Variants in ZNF385D observed in about 807,000 individuals in gnomAD.
ZNF385D encodes the protein zinc finger protein 385D, also known as zinc finger protein 659.
In ZNF385D, 15 loss-of-function variants were observed where a neutral mutation model predicts 35.8. The observed-to-expected ratio is 0.42, with a 90% confidence interval of 0.28 to 0.64. ZNF385D has a LOEUF of 0.64. Among genes scored for constraint, ZNF385D ranks in the 30% least tolerant of loss-of-function variants. The pLI is 0.23. For synonymous variants in ZNF385D, 212 were observed against 186.8 expected (o/e 1.13, Z -1.10); for missense variants, 474 against 494.6 (o/e 0.96, Z 0.39).
rs367790417 is a variant in ZNF385D at position 22,132,185 on chromosome 3, G to T, written c.325+36632C>A. ...CTGTGGTGATGGTATTTGGAGGCAG[G>T]ATCTTGGGTCACAAGGGTAGAACCC... On this transcript the variant is annotated intron_variant, in intron 3 of 5. Transcript: ENST00000494108. Among the ~76,000 whole-genome samples, 21 of 152,218 alleles carry T rather than the reference G, an allele frequency of 1.4e-4. 2 individuals carry two copies. Among genetic ancestry groups the T allele is most frequent in the Admixed American group, 1.2e-3 (18 of 15,258 alleles).
At chr3:21,531,542 T>C (rs1276723625) in intron 3 of ZNF385D, among the ~76,000 whole-genome samples, 1 of 152,144 alleles carries the variant, frequency 6.6e-6, no homozygotes, top group Non-Finnish European at 1.5e-5. Context: ...AGAAACAAAC[T>C]GTTACATCCA....
intron 2 of ZNF385D, among the ~76,000 whole-genome samples, chr3:21,624,959 A>G (rs1230402929): frequency 1.3e-5 from 2 of 152,058 alleles, no homozygotes; most frequent in African/African-American, 4.8e-5. Flanking sequence ...AGGGATAAAG[A>G]TTCCATAAAA....
chr3:22,138,234 A>G (rs1704273989), intron 3 of ZNF385D, among the ~76,000 whole-genome samples: 1 of 152,220 alleles, frequency 6.6e-6, no homozygotes, highest in African/African-American at 2.4e-5. Context: ...GAAAATGGCC[A>G]TACTGCCCAA....
chr3:21,841,015 T>C (rs1695638950), intron 3 of ZNF385D, among the ~76,000 whole-genome samples: 1 of 151,906 alleles, frequency 6.6e-6, no homozygotes, highest in Admixed American at 6.6e-5. Flanking sequence ...AGGCTCCTGG[T>C]GAATATGAAT....
intron 2 of ZNF385D, among the ~76,000 whole-genome samples, chr3:22,301,445 G>A (rs1052111048): frequency 1.3e-5 from 2 of 151,674 alleles, no homozygotes; most frequent in African/African-American, 4.9e-5. Context: ...CACCACAAAG[G>A]AATAAGTATG....
chr3:22,126,876 A>G (rs988582081), intron 3 of ZNF385D, among the ~76,000 whole-genome samples: 2 of 152,172 alleles, frequency 1.3e-5, no homozygotes, highest in Non-Finnish European at 2.9e-5. Flanking sequence ...ATATACAGTT[A>G]TAATTGGTAT....
At chr3:21,462,041 CTT>C (rs1703213577) in intron 4 of ZNF385D, among the ~76,000 whole-genome samples, 1 of 152,092 alleles carries the variant, frequency 6.6e-6, no homozygotes, top group Non-Finnish European at 1.5e-5. Context: ...CTTTTGGTCA[CTT>C]ATAATATTTT....
intron 4 of ZNF385D, among the ~76,000 whole-genome samples, chr3:21,507,163 A>T (rs1408178813): frequency 6.6e-6 from 1 of 152,120 alleles, no homozygotes; most frequent in East Asian, 1.9e-4. Flanking sequence ...TACAATGAAA[A>T]TTTAGTTTCT....
chr3:22,108,306 G>A (rs905690533), intron 3 of ZNF385D, among the ~76,000 whole-genome samples: 1 of 151,430 alleles, frequency 6.6e-6, no homozygotes, highest in Non-Finnish European at 1.5e-5. Context: ...TCGAGTGTTC[G>A]ATTTTCTTGG....
chr3:21,493,166 G>A (rs1464774784), intron 4 of ZNF385D, among the ~76,000 whole-genome samples: 5 of 151,974 alleles, frequency 3.3e-5, no homozygotes, highest in Admixed American at 3.3e-4. Context: ...ATACATACTA[G>A]TATGTATCAA....
At chr3:21,438,197 C>G (rs1701669222) in intron 4 of ZNF385D, among the ~76,000 whole-genome samples, 1 of 152,120 alleles carries the variant, frequency 6.6e-6, no homozygotes. Context: ...CAAATAAGCT[C>G]TACACTCATA....
chr3:22,163,532 A>G (rs1706108353), intron 3 of ZNF385D, among the ~76,000 whole-genome samples: 2 of 151,786 alleles, frequency 1.3e-5, no homozygotes, highest in South Asian at 2.1e-4. Flanking sequence ...GCTCTTGCTT[A>G]TTCAAGTTTT....
chr3:21,799,975 C>T (rs1476128597), intron 3 of ZNF385D, among the ~76,000 whole-genome samples: 1 of 152,004 alleles, frequency 6.6e-6, no homozygotes, highest in Non-Finnish European at 1.5e-5. Context: ...ATGTAGATAC[C>T]CAGTTGTCTC....
chr3:22,072,689 G>A (rs1048525030), intron 3 of ZNF385D, among the ~76,000 whole-genome samples: 5 of 151,652 alleles, frequency 3.3e-5, no homozygotes, highest in Admixed American at 3.3e-4. Flanking sequence ...AAAGGAGAAA[G>A]AGGGAGAAAG....
intron 3 of ZNF385D, among the ~76,000 whole-genome samples, chr3:21,778,192 C>T (rs2071361888): frequency 6.6e-6 from 1 of 151,896 alleles, no homozygotes; most frequent in South Asian, 2.1e-4. Flanking sequence ...CATTTAGAAA[C>T]AGTGATACCC....
intron 3 of ZNF385D, among the ~76,000 whole-genome samples, chr3:22,001,901 A>T (rs1695866637): frequency 2.6e-5 from 4 of 152,092 alleles, no homozygotes; most frequent in Admixed American, 2.6e-4. Flanking sequence ...AAACAAATTA[A>T]AATGGAAATA....
chr3:21,744,779 A>G (rs994884162), intron 1 of ZNF385D, among the ~76,000 whole-genome samples: 1 of 152,154 alleles, frequency 6.6e-6, no homozygotes, highest in Non-Finnish European at 1.5e-5. Context: ...AGAAAAAAAG[A>G]TTATGGAATT....
At chr3:22,155,928 A>G (rs1401848486) in intron 3 of ZNF385D, among the ~76,000 whole-genome samples, 1 of 152,108 alleles carries the variant, frequency 6.6e-6, no homozygotes, top group African/African-American at 2.4e-5. Context: ...TAGTATTCAG[A>G]TACCCCAGGG....
Position 21,417,925 on chromosome 3 carries a change from A to T in ZNF385D, c.*3289T>A, listed in dbSNP as rs1700586906. 1 of 152,170 alleles carries T rather than the reference A, an allele frequency of 6.6e-6. No homozygotes were observed. The highest frequency in any genetic ancestry group is 2.4e-5 in the African/African-American group (1 of 41,434). 9.4% of individuals were successfully genotyped at this position (152,170 alleles called of 1,614,324 possible). On this transcript the variant is annotated 3_prime_UTR_variant, in exon 8 of 8. Coordinates refer to ENST00000281523, the MANE Select transcript of ZNF385D (RefSeq NM_024697.3). ...AATCCTTTCAAATGAGGCAGGGGTG[A>T]TATAAATTGCCAAAAGCCAAGTATG...
Sources: gnomAD v4.1 joint callset for allele counts (sites outside exome capture counted in the v4.1 genomes callset) on GRCh38, gnomAD v4.1.1 for gene constraint, MANE v1.5 for transcripts, NCBI Gene and HGNC (gene_info 2026-07-23, HGNC 2026-07-21) for gene names.